The following CNTN5 variants were observed in gnomAD, a reference collection of about 807,000 sequenced individuals.
CNTN5 encodes contactin-5.
Under a neutral mutation model 129.1 loss-of-function variants are expected in CNTN5, and 77 were observed. The ratio of observed to expected loss-of-function variants is 0.60; its 90% CI spans 0.50 to 0.72. The LOEUF (loss-of-function observed/expected upper bound fraction) is 0.72. CNTN5 is among the 30% of genes least tolerant of loss of function. The pLI is 0.00. For synonymous variants in CNTN5, 509 were observed against 465.6 expected, an observed-to-expected ratio of 1.09 and a Z score of -1.20; for missense variants, 1,478 against 1,328.8, an observed-to-expected ratio of 1.11 and a Z score of -1.75.
At chr11:99,155,952 T>A (rs960872931) in intron 1 of CNTN5, among the ~76,000 whole-genome samples, 4 of 152,200 alleles carry the variant, frequency 2.6e-5, no homozygotes, top group Admixed American at 1.3e-4. Flanking sequence ...ACACAATAAT[T>A]AATAATACAA....
chr11:99,792,571 GTGTGTC>G (rs1945787250), intron 3 of CNTN5, among the ~76,000 whole-genome samples: 1 of 134,594 alleles, frequency 7.4e-6, no homozygotes, highest in Admixed American at 8.0e-5. Context: ...GTGTGTGTGT[GTGTGTC>G]TGTCTGTCTG....
intron 1 of CNTN5, among the ~76,000 whole-genome samples, chr11:99,264,294 A>C (rs2135833737): frequency 6.6e-6 from 1 of 151,696 alleles, no homozygotes; most frequent in Middle Eastern, 3.4e-3. Context: ...ACTTACACAA[A>C]ATTTGTTTGG....
chr11:99,356,731 C>G (rs371165722), intron 2 of CNTN5, among the ~76,000 whole-genome samples: 103 of 151,978 alleles, frequency 6.8e-4, no homozygotes, highest in African/African-American at 2.4e-3. Flanking sequence ...GATGAATGTT[C>G]CTAGGAATAC....
intron 1 of CNTN5, among the ~76,000 whole-genome samples, chr11:99,279,274 C>G (rs1863588010): frequency 6.6e-6 from 1 of 151,904 alleles, no homozygotes; most frequent in African/African-American, 2.4e-5. Flanking sequence ...ACATATGTGT[C>G]TCAACTAGTG....
At chr11:100,217,584 T>G (rs1414797231) in intron 15 of CNTN5, among the ~76,000 whole-genome samples, 1 of 152,234 alleles carries the variant, frequency 6.6e-6, no homozygotes, top group Non-Finnish European at 1.5e-5. Flanking sequence ...ACTAGTTCTA[T>G]CGCCTTTGTG....
chr11:99,086,339 C>A (rs1371694566), intron 1 of CNTN5, among the ~76,000 whole-genome samples: 1 of 152,168 alleles, frequency 6.6e-6, no homozygotes, highest in East Asian at 1.9e-4. Context: ...CAAGGAATAC[C>A]TGGAGCTGGG....
chr11:99,672,612 A>G (rs12789635), intron 3 of CNTN5, among the ~76,000 whole-genome samples: 7,840 of 150,458 alleles, frequency 0.052, 392 homozygotes, highest in East Asian at 0.29. Flanking sequence ...TGAGAATTCC[A>G]GAAGAATATT....
chr11:99,231,234 C>A (rs1232503306), intron 1 of CNTN5, among the ~76,000 whole-genome samples: 1 of 152,158 alleles, frequency 6.6e-6, no homozygotes, highest in East Asian at 1.9e-4. Flanking sequence ...GTCACACTGT[C>A]TTCTACAATG....
In CNTN5 at chr11:99,789,465, G is replaced by A. The variant is rs138605716; in HGVS notation, c.56-30079G>A. Among the ~76,000 whole-genome samples the A allele has an allele frequency of 4.3e-4, 65 of 151,998 alleles. 2 individuals carry two copies. The highest frequency in any genetic ancestry group is 2.6e-3 in the Admixed American group (39 of 15,260). ...CATGTTATAATGGAAATTATAAATG[G>A]AATAAACTGCAATAAACTATCATGG... On this transcript the variant is annotated intron_variant, in intron 3 of 24. Transcript: ENST00000524871.
At chr11:99,704,495 A>G (rs1954667737) in intron 3 of CNTN5, among the ~76,000 whole-genome samples, 3 of 151,194 alleles carry the variant, frequency 2.0e-5, no homozygotes, top group Admixed American at 6.6e-5. Context: ...CTGCAAGATA[A>G]AAATATATAT....
At chr11:99,744,543 T>TAAAAAAAAAAAAAA (rs553540845) in intron 3 of CNTN5, among the ~76,000 whole-genome samples, 5 of 37,494 alleles carry the variant, frequency 1.3e-4, no homozygotes, top group Non-Finnish European at 1.8e-4. Context: ...TACAAAAAGT[T>TAAAAAAAAAAAAAA]AAAAAAAAAA....
intron 1 of CNTN5, among the ~76,000 whole-genome samples, chr11:99,119,363 C>A (rs1470385623): frequency 3.3e-5 from 5 of 152,096 alleles, no homozygotes; most frequent in African/African-American, 1.2e-4. Flanking sequence ...TCATTTGGCT[C>A]CCACTTATAA....
chr11:99,165,801 A>G (rs1290910050), intron 1 of CNTN5, among the ~76,000 whole-genome samples: 1 of 152,152 alleles, frequency 6.6e-6, no homozygotes, highest in Non-Finnish European at 1.5e-5. Flanking sequence ...GTTGAGGCAG[A>G]TTTTCTTAGA....
At chr11:99,854,682 T>C (rs1158295829) in intron 6 of CNTN5, among the ~76,000 whole-genome samples, 4 of 152,112 alleles carry the variant, frequency 2.6e-5, no homozygotes, top group Admixed American at 6.6e-5. Context: ...TAGTCTGAGA[T>C]AGATTTATTC....
At chr11:99,866,860 CT>C (rs1948369647) in intron 6 of CNTN5, among the ~76,000 whole-genome samples, 1 of 152,202 alleles carries the variant, frequency 6.6e-6, no homozygotes, top group African/African-American at 2.4e-5. Flanking sequence ...ATAGTCAGTA[CT>C]TACCAATCCC....
chr11:100,262,226 T>C (rs997956872), intron 17 of CNTN5, among the ~76,000 whole-genome samples: 13 of 152,026 alleles, frequency 8.6e-5, no homozygotes, highest in Non-Finnish European at 1.5e-5. Context: ...TAGGGAAATG[T>C]AAATCAAAAC....
intron 13 of CNTN5, among the ~76,000 whole-genome samples, chr11:100,091,998 G>T (rs1400152364): frequency 1.3e-5 from 2 of 152,036 alleles, no homozygotes; most frequent in Non-Finnish European, 2.9e-5. Context: ...GAATGAGACA[G>T]TATTATATAC....
intron 1 of CNTN5, among the ~76,000 whole-genome samples, chr11:99,256,408 T>C (rs1315886060): frequency 6.6e-6 from 1 of 152,098 alleles, no homozygotes; most frequent in Non-Finnish European, 1.5e-5. Context: ...TCTATAAAAC[T>C]ATTAAGAGTG....
At chr11:99,155,240 A>T (rs955628798) in intron 1 of CNTN5, among the ~76,000 whole-genome samples, 1 of 152,102 alleles carries the variant, frequency 6.6e-6, no homozygotes, top group African/African-American at 2.4e-5. Context: ...TTTACTTTCA[A>T]TGCCTTCTCT....
Sources: allele counts gnomAD v4.1 joint callset (sites outside exome capture counted in the v4.1 genomes callset), GRCh38; gene constraint gnomAD v4.1.1; transcripts MANE v1.5; gene names NCBI Gene and HGNC (gene_info 2026-07-23, HGNC 2026-07-21).